YJEFN3: variants seen among roughly 807,000 people sequenced by gnomAD.
YJEFN3 encodes yjeF N-terminal domain-containing protein 3.
A neutral mutation model predicts 31.5 loss-of-function variants in YJEFN3; 29 were observed. The ratio of observed to expected loss-of-function variants is 0.92; its 90% CI spans 0.69 to 1.26. YJEFN3 has a LOEUF of 1.26. Ranked by LOEUF, YJEFN3 falls within the 50% of genes most tolerant of loss-of-function variation. The pLI, the probability that YJEFN3 is intolerant of heterozygous loss-of-function variation, is 0.00. For synonymous variants in YJEFN3, 227 were observed against 196.1 expected, an observed-to-expected ratio of 1.16 and a Z score of -1.32; for missense variants, 442 against 425.4, an observed-to-expected ratio of 1.04 and a Z score of -0.34.
Position 19,537,514 on chromosome 19 carries a change from C to A in YJEFN3, c.890C>A (p.Ala297Glu). ...GGATACACGGGCACCGACTGCGTCG[C>A]GGCACTGTGACCGCCACCCGCGGCC... ...LPGYTGTDCV[A>E]AL The change falls in exon 7 of 7, where the codon GCG becomes GAG. Residue 297 changes from alanine (A) to glutamate (E), a missense_variant. Coordinates refer to ENST00000514277, the MANE Select transcript of YJEFN3 (RefSeq NM_198537.4). The A allele has an allele frequency of 6.4e-7, 1 of 1,560,902 alleles. No individual in the cohort carries two copies. Among genetic ancestry groups the A allele is most frequent in the Non-Finnish European group, 8.7e-7 (1 of 1,155,174 alleles).
chr19:19,532,476 G>A (rs1007834729), intron 2 of YJEFN3, among the ~76,000 whole-genome samples, 156 bp from the exon 3 acceptor site: 11 of 152,252 alleles, frequency 7.2e-5, no homozygotes, highest in African/African-American at 2.7e-4. Context: ...GTGAAACTGA[G>A]GGCATCCCCA....
At chr19:19,530,261 C>T (rs1196730106) in intron 2 of YJEFN3, among the ~76,000 whole-genome samples, 1 of 152,010 alleles carries the variant, frequency 6.6e-6, no homozygotes, top group Admixed American at 6.6e-5. Flanking sequence ...CATCTAGGGG[C>T]CGAGATTCGG....
At position 19,534,008 on chromosome 19, in the gene YJEFN3, T is replaced by C. The variant is rs2061183026; in HGVS notation, c.319-1026T>C. 1 of 985,472 alleles carries C rather than the reference T, an allele frequency of 1.0e-6. No homozygotes were observed. The highest frequency in any genetic ancestry group is 1.2e-6 in the Non-Finnish European group (1 of 830,078). 61.0% of individuals were successfully genotyped at this position (985,472 alleles called of 1,614,324 possible). On this transcript the variant is annotated intron_variant, in intron 3 of 6. Transcript: ENST00000514277. The surrounding 1 kb of genome is among the most constrained non-coding windows in gnomAD (Gnocchi z 4.6). ...GGGAGTAATCTGCTGTCTGTGTGGT[T>C]GGAGCTTAAAGTACAGCTGGGGCTC... is the stretch of plus-strand genomic sequence containing the variant.
chr19:19,534,076 G>T lies in YJEFN3; in HGVS notation c.319-958G>T. The T allele has an allele frequency of 6.1e-6, 6 of 985,582 alleles. No individual in the cohort carries two copies. The highest frequency in any genetic ancestry group is 7.2e-6 in the Non-Finnish European group (6 of 830,002). 61.1% of individuals were successfully genotyped at this position (985,582 alleles called of 1,614,324 possible). ...CCTGTCAGGCGGTGGCACTGTCATC[G>T]CATTTGATAAAGGCCAAACTGAGTC... is the stretch of plus-strand genomic sequence containing the variant. On this transcript the variant is annotated intron_variant, in intron 3 of 6. Transcript: ENST00000514277. This position sits in a 1 kb window ranked among gnomAD's most constrained non-coding sequence, Gnocchi z 4.6.
intron 6 of YJEFN3, chr19:19,536,141 G>T (rs569642163): frequency 2.8e-6 from 1 of 360,674 alleles, no homozygotes; most frequent in East Asian, 5.9e-5. Flanking sequence ...CAGAGCAGGG[G>T]CACCAAGGGA....
chr19:19,533,480 T>TCC (rs1600365167), intron 3 of YJEFN3: 1 of 857,128 alleles, frequency 1.2e-6, no homozygotes, highest in East Asian at 1.5e-4. Flanking sequence ...CCTCTTACCC[T>TCC]CCTCCTCCTT....
chr19:19,532,479 C>CA, intron 2 of YJEFN3, among the ~76,000 whole-genome samples, 153 bp from the exon 3 acceptor site: 1 of 152,304 alleles, frequency 6.6e-6, no homozygotes, highest in East Asian at 1.9e-4. Context: ...AAACTGAGGG[C>CA]ATCCCCAGCT....
At chr19:19,530,756 C>G (rs1044559288) in intron 2 of YJEFN3, among the ~76,000 whole-genome samples, 6 of 152,198 alleles carry the variant, frequency 3.9e-5, no homozygotes, top group Non-Finnish European at 5.9e-5. Context: ...TTTTCCTCAC[C>G]CCGTCCTTCA....
intron 2 of YJEFN3, among the ~76,000 whole-genome samples, chr19:19,530,681 G>T (rs2061146820): frequency 6.6e-6 from 1 of 152,220 alleles, no homozygotes; most frequent in South Asian, 2.1e-4. Context: ...CACCTCCTAT[G>T]TGCTTTCCTG....
intron 6 of YJEFN3, 36 bp downstream of exon 6, chr19:19,535,715 G>A (rs1420765820): frequency 1.6e-5 from 25 of 1,542,182 alleles, no homozygotes; most frequent in Non-Finnish European, 2.0e-5. Context: ...TGGGGCCTGG[G>A]GGGCTTGGGT....
At position 19,535,072 on chromosome 19, in the gene YJEFN3, G is replaced by A. The variant is rs1568365539; in HGVS notation, c.357G>A (p.Thr119=). Residue 119 remains threonine, a synonymous_variant, in exon 4 of 7, where the codon ACG becomes ACA. Coordinates refer to ENST00000514277, the MANE Select transcript of YJEFN3 (RefSeq NM_198537.4). ...PLPALSRKQR[T]VLVVCGPEQN... ...CCGCTCTCTCCCGGAAGCAGAGGAC[G>A]GTGCTGGTCGTGTGTGGCCCGGAGC... 8 of 1,611,282 alleles carry A rather than the reference G, an allele frequency of 5.0e-6. No homozygotes were observed. Among genetic ancestry groups the A allele is most frequent in the East Asian group, 4.5e-5 (2 of 44,870 alleles).
At chr19:19,529,616 CTG>C (rs1426581217) in intron 2 of YJEFN3, 103 bp downstream of exon 2, 2 of 1,493,392 alleles carry the variant, frequency 1.3e-6, no homozygotes, top group African/African-American at 1.4e-5. Flanking sequence ...GTTGACCTCA[CTG>C]TGAACCAGAT....
intron 2 of YJEFN3, 38 bp downstream of exon 2, chr19:19,529,551 G>T (rs761493899): frequency 1.9e-6 from 3 of 1,601,406 alleles, no homozygotes; most frequent in Non-Finnish European, 1.7e-6. Flanking sequence ...CGCCGTGGCT[G>T]TGACTCTCAC....
Position 19,537,341 on chromosome 19 carries a change from C to T in YJEFN3, c.717C>T (p.Ser239=), listed in dbSNP as rs751668673. 83 of 1,594,804 alleles carry T rather than the reference C, an allele frequency of 5.2e-5. No homozygotes were observed. The highest frequency in any genetic ancestry group is 6.7e-5 in the Non-Finnish European group (79 of 1,176,718). The part of the protein sequence containing the change: ...IPSGWDAETG[S]DSEDGLRPDV... ...CAGGCTGGGACGCAGAGACCGGCAG[C>T]GATTCGGAGGACGGGCTGCGGCCTG... The change falls in exon 7 of 7, where the codon AGC becomes AGT. Residue 239 remains serine (S), a synonymous_variant. Coordinates refer to ENST00000514277, the MANE Select transcript of YJEFN3 (RefSeq NM_198537.4).
intron 1 of YJEFN3, 43 bp from the exon 2 acceptor site, chr19:19,529,321 C>T (rs752239915): frequency 3.9e-5 from 61 of 1,576,980 alleles, no homozygotes; most frequent in Non-Finnish European, 5.1e-5. Flanking sequence ...GCTCCCCCAC[C>T]GAACCCCAAC....
In YJEFN3 at chr19:19,535,110, TG is replaced by T; in HGVS notation, c.399del (p.Leu134TrpfsTer30). ...TGTGGCCCGGAGCAGAACGGGGCAG[TG>T]GGGCTGGTCTGTGCCCGGCACCTGC... ...VVCGPEQNGA[V>X]GLVCARHLRV... On this transcript the variant is annotated frameshift_variant, in exon 4 of 7. Transcript: ENST00000514277. LOFTEE classifies it high-confidence loss of function. 1.2e-6 allele frequency: 2 copies of T among 1,611,598 alleles called. No individual in the cohort carries two copies. Among genetic ancestry groups the T allele is most frequent in the Non-Finnish European group, 8.5e-7 (1 of 1,178,712 alleles).
chr19:19,528,960 T>A lies in YJEFN3; in HGVS notation c.28T>A (p.Ser10Thr), dbSNP rs1293487406. 1 of 1,549,886 alleles carries A rather than the reference T, an allele frequency of 6.5e-7. No individual in the cohort carries two copies. Among genetic ancestry groups the A allele is most frequent in the Non-Finnish European group, 8.7e-7 (1 of 1,146,680 alleles). MSSAAGPDP[S>T]EAPEERHFLR... ...GAGCAGCGCAGCCGGCCCAGACCCGTCGGAGGCGCCCGAAGAGCGGCATTT... is the reference window on the plus strand; with the variant it reads ...GAGCAGCGCAGCCGGCCCAGACCCGACGGAGGCGCCCGAAGAGCGGCATTT... The change falls in exon 1 of 7, where the codon TCG becomes ACG. Residue 10 changes from serine to threonine, a missense_variant. By Grantham distance (58) the Ser-to-Thr change is moderately conservative. Transcript: ENST00000514277.
chr19:19,530,455 A>G (rs1181002058), intron 2 of YJEFN3, among the ~76,000 whole-genome samples: 1 of 107,822 alleles, frequency 9.3e-6, no homozygotes, highest in Non-Finnish European at 1.8e-5. Context: ...CAGAGCCCCC[A>G]TTATTCTAAT....
chr19:19,535,401 C>T lies in YJEFN3; in HGVS notation c.494C>T (p.Thr165Ile). 1 of 1,614,058 alleles carries T rather than the reference C, an allele frequency of 6.2e-7. No homozygotes were observed. Among genetic ancestry groups the T allele is most frequent in the Non-Finnish European group, 8.5e-7 (1 of 1,180,010 alleles). ...GACCTGCTGCATCGGGACCTGACCA[C>T]CCAGTGCGAGAAGATGGACATCCCC... ...SLDLLHRDLTTQCEKMDIPFL... is the reference protein window; with the variant it reads ...SLDLLHRDLTIQCEKMDIPFL... Residue 165 changes from threonine (T) to isoleucine (I), a missense_variant, in exon 5 of 7, where the codon ACC becomes ATC. Transcript: ENST00000514277.
Sources: gnomAD v4.1 joint callset for allele counts (sites outside exome capture counted in the v4.1 genomes callset) on GRCh38, gnomAD v4.1.1 for gene constraint, Gnocchi (gnomAD v3.1) non-coding constraint, MANE v1.5 for transcripts, NCBI Gene and HGNC (gene_info 2026-07-23, HGNC 2026-07-21) for gene names.